Variants in CTNNA3 observed in about 807,000 individuals in gnomAD.
CTNNA3 encodes catenin alpha 3, also known as catenin alpha-3.
Under a neutral mutation model 95.7 loss-of-function variants are expected in CTNNA3, and 76 were observed. That is an observed-to-expected ratio of 0.79 (90% CI 0.66 to 0.96). CTNNA3 has a LOEUF of 0.96. Ranked by LOEUF, CTNNA3 falls within the 40% of genes least tolerant of loss-of-function variation. The probability of loss-of-function intolerance (pLI) is 0.00; values close to 1 mark genes in which losing one functional copy is unlikely to be tolerated. For missense variants in CTNNA3, 1,191 were observed against 1,089.8 expected (o/e 1.09, Z -1.31); for synonymous variants, 431 against 374.4 (o/e 1.15, Z -1.74).
At chr10:67,365,581 T>C (rs1490230099) in intron 5 of CTNNA3, among the ~76,000 whole-genome samples, 1 of 152,206 alleles carries the variant, frequency 6.6e-6, no homozygotes, top group African/African-American at 2.4e-5. Flanking sequence ...GAACAGACTT[T>C]TCTCAAAAGA....
intron 7 of CTNNA3, among the ~76,000 whole-genome samples, chr10:66,846,601 A>G (rs1843290741): frequency 6.6e-6 from 1 of 152,026 alleles, no homozygotes; most frequent in Non-Finnish European, 1.5e-5. Flanking sequence ...GTGTATATAT[A>G]TATACACAAA....
At chr10:67,430,576 T>C (rs1846076500) in intron 5 of CTNNA3, among the ~76,000 whole-genome samples, 1 of 151,838 alleles carries the variant, frequency 6.6e-6, no homozygotes, top group South Asian at 2.1e-4. Flanking sequence ...TGGAAGGAGA[T>C]AATAGGAAAA....
At chr10:67,469,447 G>A (rs911539532) in intron 5 of CTNNA3, among the ~76,000 whole-genome samples, 2 of 152,108 alleles carry the variant, frequency 1.3e-5, no homozygotes, top group Non-Finnish European at 2.9e-5. Flanking sequence ...ATGAGTTCAT[G>A]TCCTTCACAG....
intron 4 of CTNNA3, among the ~76,000 whole-genome samples, chr10:67,525,636 C>T (rs868641514): frequency 2.0e-5 from 3 of 151,938 alleles, no homozygotes; most frequent in Non-Finnish European, 4.4e-5. Context: ...GAGAAAGACA[C>T]GAAGAAATAG....
chr10:66,031,778 T>G (rs746617194), intron 15 of CTNNA3, among the ~76,000 whole-genome samples: 1 of 152,130 alleles, frequency 6.6e-6, no homozygotes, highest in Non-Finnish European at 1.5e-5. Context: ...CAAGGTACAC[T>G]TGTAAGATTT....
intron 7 of CTNNA3, chr10:67,015,274 T>C (rs1589605732): frequency 6.6e-6 from 1 of 152,198 alleles, no homozygotes; most frequent in Non-Finnish European, 1.5e-5. Flanking sequence ...TATCCATAGA[T>C]AGATTTGATG....
At chr10:65,961,153 TAACA>T (rs2077833532) in intron 17 of CTNNA3, among the ~76,000 whole-genome samples, 7 of 152,148 alleles carry the variant, frequency 4.6e-5, no homozygotes, top group Admixed American at 4.6e-4. Flanking sequence ...ATAAAAATGT[TAACA>T]AACAAAAATG....
intron 14 of CTNNA3, among the ~76,000 whole-genome samples, chr10:66,073,205 T>C (rs2080477508): frequency 1.3e-5 from 2 of 152,140 alleles, no homozygotes; most frequent in African/African-American, 2.4e-5. Flanking sequence ...AGAAATCTAT[T>C]ATACAACATG....
At chr10:66,714,111 A>T (rs1442668216) in intron 9 of CTNNA3, among the ~76,000 whole-genome samples, 1 of 152,104 alleles carries the variant, frequency 6.6e-6, no homozygotes, top group Non-Finnish European at 1.5e-5. Context: ...AAAATGATCG[A>T]ATCGTGATGG....
intron 5 of CTNNA3, among the ~76,000 whole-genome samples, chr10:67,411,364 A>G (rs1845361474): frequency 6.6e-6 from 1 of 152,148 alleles, no homozygotes; most frequent in Non-Finnish European, 1.5e-5. Flanking sequence ...AATTTACTCA[A>G]AGGTTAATTT....
chr10:65,960,783 G>A (rs1056996808), intron 17 of CTNNA3, among the ~76,000 whole-genome samples: 3 of 152,090 alleles, frequency 2.0e-5, no homozygotes, highest in Admixed American at 6.5e-5. Context: ...TTGATTTTCT[G>A]TTTTAGCATT....
chr10:67,696,722 A>C (rs565398608), upstream of CTNNA3, among the ~76,000 whole-genome samples: 54 of 152,124 alleles, frequency 3.5e-4, no homozygotes, highest in African/African-American at 1.2e-3. Context: ...CCAAAAAAAA[A>C]AGTCTTCTCC....
chr10:66,334,454 C>T (rs1290935033), intron 12 of CTNNA3, among the ~76,000 whole-genome samples: 4 of 151,738 alleles, frequency 2.6e-5, no homozygotes, highest in Non-Finnish European at 5.9e-5. Flanking sequence ...TCAGTGTTTG[C>T]TTGTCTGTAA....
chr10:67,693,208 C>T (rs1343632531), intron 1 of CTNNA3, among the ~76,000 whole-genome samples: 2 of 152,166 alleles, frequency 1.3e-5, no homozygotes, highest in Non-Finnish European at 1.5e-5. Flanking sequence ...TCAGATGTAT[C>T]GGCTAACAGT....
At chr10:67,317,851 G>A (rs927781968) in intron 5 of CTNNA3, among the ~76,000 whole-genome samples, 1 of 152,144 alleles carries the variant, frequency 6.6e-6, no homozygotes, top group Non-Finnish European at 1.5e-5. Flanking sequence ...GCCAATGAGA[G>A]AAGTTAACTT....
chr10:65,961,022 ATT>A (rs2077830837), intron 17 of CTNNA3, among the ~76,000 whole-genome samples: 1 of 151,608 alleles, frequency 6.6e-6, no homozygotes, highest in South Asian at 2.1e-4. Flanking sequence ...ACATTCTCTC[ATT>A]TGCTTGACTT....
intron 5 of CTNNA3, among the ~76,000 whole-genome samples, chr10:67,485,028 C>G (rs1244509707): frequency 6.6e-6 from 1 of 152,122 alleles, no homozygotes; most frequent in African/African-American, 2.4e-5. Context: ...ATATGTTCAT[C>G]ACAGCACCAT....
intron 7 of CTNNA3, among the ~76,000 whole-genome samples, chr10:67,111,590 T>A (rs1858911607): frequency 6.6e-6 from 1 of 152,028 alleles, no homozygotes; most frequent in Non-Finnish European, 1.5e-5. Context: ...GCTAAAAAAA[T>A]TAAAATATAT....
chr10:66,904,146 A>G (rs1845882446), intron 7 of CTNNA3, among the ~76,000 whole-genome samples: 1 of 152,188 alleles, frequency 6.6e-6, no homozygotes, highest in African/African-American at 2.4e-5. Context: ...AGTAACCAAA[A>G]CAGCATGGTA....
Sources: allele counts gnomAD v4.1 joint callset (sites outside exome capture counted in the v4.1 genomes callset), GRCh38; gene constraint gnomAD v4.1.1; transcripts MANE v1.5; gene names NCBI Gene and HGNC (gene_info 2026-07-23, HGNC 2026-07-21).